PTPRM: variants seen among roughly 807,000 people sequenced by gnomAD.
The protein encoded by PTPRM is protein tyrosine phosphatase receptor type M.
Under a neutral mutation model 186.7 loss-of-function variants are expected in PTPRM, and 47 were observed. The ratio of observed to expected loss-of-function variants is 0.25; its 90% CI spans 0.20 to 0.32. The LOEUF (loss-of-function observed/expected upper bound fraction) is 0.32. Among genes scored for constraint, PTPRM ranks in the 10% least tolerant of loss-of-function variants. The pLI is 1.00. For synonymous variants in PTPRM, 668 were observed against 674.9 expected, an observed-to-expected ratio of 0.99 and a Z score of 0.16; for missense variants, 1,494 against 1,865.0, an observed-to-expected ratio of 0.80 and a Z score of 3.66.
rs2095905290 is a variant in PTPRM, at chr18:8,406,155, C to A, written c.4391C>A (p.Ser1464Tyr). Residue 1464 changes from serine (S) to tyrosine (Y), a missense_variant, in exon 33 of 33, where the codon TCT (serine) becomes TAT (tyrosine). This residue lies in a region of PTPRM where 1,107 missense variants were observed against 1,350.2 expected (regional missense o/e 0.82). Transcript: ENST00000580170. ...GAGGTGGCCCTGGAATACTTGAATT[C>A]TGGCTGATGGTGTAAACAGCTCTGC... ...CYEVALEYLN[S>Y]G 1.2e-6 allele frequency: 2 copies of A among 1,614,070 alleles called. No homozygotes were observed. The highest frequency in any genetic ancestry group is 8.5e-7 in the Non-Finnish European group (1 of 1,179,942).
chr18:8,204,171 G>A (rs1228812865), intron 14 of PTPRM, among the ~76,000 whole-genome samples: 2 of 152,034 alleles, frequency 1.3e-5, no homozygotes, highest in African/African-American at 2.4e-5. Context: ...GATTGGGGGT[G>A]GGGAATTGCA....
At chr18:8,049,376 AAC>A (rs2087300951) in intron 7 of PTPRM, 1 of 152,190 alleles carries the variant, frequency 6.6e-6, no homozygotes, top group Admixed American at 6.5e-5. Flanking sequence ...AGAAAAGCAC[AAC>A]AGAGATGTGA....
At chr18:8,260,482 C>T (rs764373809) in intron 19 of PTPRM, among the ~76,000 whole-genome samples, 1 of 152,136 alleles carries the variant, frequency 6.6e-6, no homozygotes, top group Non-Finnish European at 1.5e-5. Flanking sequence ...ACAACCTGCT[C>T]TTGTGGTAAC....
intron 1 of PTPRM, among the ~76,000 whole-genome samples, chr18:7,611,825 ATGAT>A (rs975951294): frequency 2.0e-5 from 3 of 152,196 alleles, no homozygotes; most frequent in African/African-American, 4.8e-5. Flanking sequence ...GCCTTCTGCC[ATGAT>A]TGTGAGACTT....
chr18:7,723,782 C>T (rs982511855), intron 1 of PTPRM, among the ~76,000 whole-genome samples: 3 of 152,160 alleles, frequency 2.0e-5, no homozygotes, highest in Admixed American at 6.5e-5. Context: ...CCCCTGGGGG[C>T]GCGGGCTGGG....
At chr18:8,253,176 G>A (rs770903334) in intron 18 of PTPRM, 51 bp from the exon 19 acceptor site, 70 of 1,316,202 alleles carry the variant, frequency 5.3e-5, no homozygotes, top group Non-Finnish European at 6.4e-5. Flanking sequence ...CAGTGATGCC[G>A]ACCTAGCTCC....
chr18:8,378,396 G>A lies in PTPRM; in HGVS notation c.3594G>A (p.Gln1198=), dbSNP rs1301193793. The part of the protein sequence containing the change: ...NKLDPQTNSS[Q]IKEEFRTLNM... ...TGGATCCACAGACAAACTCAAGCCAGATTAAAGAGGAATTCCGGGTAAGTG... is the reference window on the plus strand; with the variant it reads ...TGGATCCACAGACAAACTCAAGCCAAATTAAAGAGGAATTCCGGGTAAGTG... The change falls in exon 27 of 33, where the codon CAG becomes CAA. Residue 1198 remains glutamine, a synonymous_variant. Transcript: ENST00000580170. The A allele has an allele frequency of 6.2e-7, 1 of 1,613,980 alleles. No individual in the cohort carries two copies. The highest frequency in any genetic ancestry group is 8.5e-7 in the Non-Finnish European group (1 of 1,179,986).
Position 8,069,760 on chromosome 18 carries a change from T to C in PTPRM, c.1207T>C (p.Phe403Leu). The C allele has an allele frequency of 6.2e-7, 1 of 1,613,852 alleles. No individual in the cohort carries two copies. The highest frequency in any genetic ancestry group is 2.2e-5 in the East Asian group (1 of 44,876). The part of the protein sequence containing the change: ...SRQITIRWEP[F>L]GYNVTRCHSY... The stretch of plus-strand genomic sequence containing the variant: ...GCAAATCACTATCCGCTGGGAGCCA[T>C]TTGGATATAATGTAACTCGTTGCCA... Residue 403 changes from phenylalanine (F) to leucine (L), a missense_variant, in exon 8 of 33, where the codon TTT becomes CTT. Phe to Leu is a conservative substitution (Grantham distance 22, BLOSUM62 0). This residue lies in a region of PTPRM where 91 missense variants were observed against 169.3 expected (regional missense o/e 0.54). Transcript: ENST00000580170.
chr18:7,633,974 G>A (rs758340383), intron 1 of PTPRM, among the ~76,000 whole-genome samples: 4 of 152,030 alleles, frequency 2.6e-5, no homozygotes, highest in Non-Finnish European at 4.4e-5. Flanking sequence ...TGATCACAGA[G>A]CCTCCAAAGT....
intron 1 of PTPRM, among the ~76,000 whole-genome samples, chr18:7,608,012 C>G (rs935829818): frequency 6.6e-5 from 10 of 152,228 alleles, no homozygotes; most frequent in African/African-American, 2.4e-4. Context: ...GGATCTCTCT[C>G]CCACCTGTTG....
intron 2 of PTPRM, among the ~76,000 whole-genome samples, chr18:7,809,012 G>A (rs920691880): frequency 1.3e-5 from 2 of 152,234 alleles, no homozygotes; most frequent in South Asian, 2.1e-4. Context: ...TAAGTCAGAC[G>A]CCCTGGGAGG....
intron 19 of PTPRM, among the ~76,000 whole-genome samples, chr18:8,255,836 G>T (rs2094569608): frequency 6.6e-6 from 1 of 152,180 alleles, no homozygotes; most frequent in Non-Finnish European, 1.5e-5. Context: ...GTGAGGAGTG[G>T]TGATGGTGGG....
chr18:8,196,889 T>C (rs542103297), intron 14 of PTPRM, among the ~76,000 whole-genome samples: 1 of 152,294 alleles, frequency 6.6e-6, no homozygotes, highest in South Asian at 2.1e-4. Flanking sequence ...GGGATGTCTA[T>C]CTGTATCATA....
chr18:7,817,190 G>A (rs2044881830), intron 2 of PTPRM, among the ~76,000 whole-genome samples: 1 of 152,098 alleles, frequency 6.6e-6, no homozygotes, highest in South Asian at 2.1e-4. Flanking sequence ...GGCCAGGCTG[G>A]TCTTGAACTC....
intron 1 of PTPRM, among the ~76,000 whole-genome samples, chr18:7,610,350 A>G (rs939193031): frequency 2.6e-5 from 4 of 152,110 alleles, no homozygotes; most frequent in Admixed American, 1.3e-4. Context: ...GTTTTCTATC[A>G]TTTATGAAAG....
chr18:8,157,234 A>G (rs2093140455), intron 14 of PTPRM, among the ~76,000 whole-genome samples: 1 of 152,218 alleles, frequency 6.6e-6, no homozygotes, highest in Non-Finnish European at 1.5e-5. Flanking sequence ...AAATGTTATG[A>G]CAAGAAAACA....
At chr18:8,386,102 GGA>G in intron 30 of PTPRM, among the ~76,000 whole-genome samples, 1 of 152,242 alleles carries the variant, frequency 6.6e-6, no homozygotes, top group Middle Eastern at 3.4e-3. Context: ...GGGGCATTGT[GGA>G]GAGAGGATCA....
At chr18:7,887,956 A>T in intron 2 of PTPRM, 150 bp from the exon 3 acceptor site, 1 of 871,520 alleles carries the variant, frequency 1.1e-6, no homozygotes, top group Non-Finnish European at 2.0e-6. Flanking sequence ...GGAGGTGGTG[A>T]TATATGAAAT....
intron 2 of PTPRM, among the ~76,000 whole-genome samples, chr18:7,839,149 A>AC (rs779050121): frequency 3.9e-5 from 6 of 152,066 alleles, no homozygotes; most frequent in African/African-American, 4.8e-5. Flanking sequence ...GGAACCAGGG[A>AC]CCCCCAAATG....
Sources: allele counts gnomAD v4.1 joint callset (sites outside exome capture counted in the v4.1 genomes callset), GRCh38; gene constraint gnomAD v4.1.1; regional missense constraint gnomAD v4.1.1; transcripts MANE v1.5; gene names NCBI Gene and HGNC (gene_info 2026-07-23, HGNC 2026-07-21).